SYT5: variants seen among roughly 807,000 people sequenced by gnomAD.
SYT5 encodes synaptotagmin-5.
SYT5 carries 29 observed loss-of-function variants against 36.0 expected under a neutral mutation model. That is an observed-to-expected ratio of 0.81 (90% confidence interval 0.60 to 1.10). The LOEUF (loss-of-function observed/expected upper bound fraction) is 1.10. Ranked by LOEUF, SYT5 falls within the 50% of genes least tolerant of loss-of-function variation. SYT5 has a pLI of 0.00. For missense variants in SYT5, 512 were observed against 516.0 expected, an observed-to-expected ratio of 0.99 and a Z score of 0.08; for synonymous variants, 231 against 227.6, an observed-to-expected ratio of 1.02 and a Z score of -0.14.
intron 8 of SYT5, chr19:55,174,027 C>G (rs759548275): frequency 3.5e-6 from 1 of 289,844 alleles, no homozygotes; most frequent in Non-Finnish European, 6.3e-6. Context: ...AGGCGCCGTC[C>G]CTAAAGAAGT....
In SYT5 at chr19:55,172,456, CA is replaced by C. The variant is rs752186636; in HGVS notation, c.*1027del. The C allele has an allele frequency of 0.016, 1,948 of 125,466 alleles. 17 individuals carry two copies. Among genetic ancestry groups the C allele is most frequent in the Middle Eastern group, 0.051 (13 of 256 alleles). 7.8% of individuals were successfully genotyped at this position (125,466 alleles called of 1,614,324 possible). ...AAACAAAAACAAAAAAACAAACAAA[CA>C]AAAAAAAAACAAGAGAAAAAGAAAG... is the stretch of plus-strand genomic sequence containing the variant. On this transcript the variant is annotated 3_prime_UTR_variant, in exon 9 of 9. Transcript: ENST00000354308.
chr19:55,172,086 T>TA lies in SYT5; in HGVS notation c.*1397dup, dbSNP rs34903773. The TA allele has an allele frequency of 0.068, 9,932 of 145,070 alleles. 752 individuals are homozygous for TA. Among genetic ancestry groups the TA allele is most frequent in the Admixed American group, 0.22 (3,230 of 14,580 alleles). 9.0% of individuals were successfully genotyped at this position (145,070 alleles called of 1,614,324 possible). A position where few individuals can be genotyped will look rare whatever the true frequency, so the allele number is the denominator to read the frequency against. ...CAACAGCGAAACTCCGTCTCAAAAT[T>TA]AAAAAAAAGAAGAAGAGAAGAAAAG... On this transcript the variant is annotated 3_prime_UTR_variant, in exon 9 of 9. Transcript: ENST00000354308.
At chr19:55,176,384 A>G in intron 3 of SYT5, 1 of 505,718 alleles carries the variant, frequency 2.0e-6, no homozygotes, top group East Asian at 3.5e-5. Context: ...TGCTTAGATT[A>G]AAACAAGTGC....
chr19:55,178,209 C>T lies in SYT5; in HGVS notation c.239G>A (p.Ser80Asn), dbSNP rs370240780. 3.1e-6 allele frequency: 5 copies of T among 1,607,260 alleles called. No homozygotes were observed. In the African/African-American group the frequency reaches 6.7e-5, roughly 21 times the overall value. Residue 80 changes from serine (S) to asparagine (N), a missense_variant, in exon 3 of 9, where the codon AGT (serine) becomes AAT (asparagine). Physicochemically the swap from Ser to Asn is conservative, Grantham distance 46 (BLOSUM62 1). Coordinates refer to ENST00000354308, the MANE Select transcript of SYT5 (RefSeq NM_003180.3). ...HLQEVKGLGQSYIDKVQPEVE... is the reference protein window; with the variant it reads ...HLQEVKGLGQNYIDKVQPEVE... ...GCTGGGCCACACCTTGTCTATGTAA[C>T]TCTGGCCCAGCCCCTTCACTTCCTG... is the stretch of plus-strand genomic sequence containing the variant.
In SYT5 at chr19:55,173,371, G is replaced by T; in HGVS notation, c.*113C>A. 1.2e-6 allele frequency: 1 copy of T among 833,712 alleles called. No homozygotes were observed. Among genetic ancestry groups the T allele is most frequent in the Non-Finnish European group, 1.7e-6 (1 of 604,908 alleles). The allele number at this position is 833,712 out of a possible 1,614,324, so 51.6% of individuals were successfully genotyped here. ...AGATGGTTGGGGTGGAAGGTGGGGGGAGGGTAACCGTCAGAGGAAGCTTAA... is the reference window on the plus strand; with the variant it reads ...AGATGGTTGGGGTGGAAGGTGGGGGTAGGGTAACCGTCAGAGGAAGCTTAA... On this transcript the variant is annotated 3_prime_UTR_variant, in exon 9 of 9. Coordinates refer to ENST00000354308, the MANE Select transcript of SYT5 (RefSeq NM_003180.3). This position sits in a 1 kb window ranked among gnomAD's most constrained non-coding sequence, Gnocchi z 5.4.
In SYT5 at chr19:55,179,360, G is replaced by C; in HGVS notation, c.-45-274C>G. ...CCTCCGCAGGGTCTGAACCGGAAGC[G>C]GGCGAAGGCAGACGTGGGAACCAGC... On this transcript the variant is annotated intron_variant, in intron 1 of 8. Coordinates refer to ENST00000354308, the MANE Select transcript of SYT5 (RefSeq NM_003180.3). The surrounding 1 kb of genome is among the most constrained non-coding windows in gnomAD (Gnocchi z 4.5). 1 of 870,060 alleles carries C rather than the reference G, an allele frequency of 1.1e-6. No homozygotes were observed. The highest frequency in any genetic ancestry group is 1.6e-6 in the Non-Finnish European group (1 of 632,116). 53.9% of individuals were successfully genotyped at this position (870,060 alleles called of 1,614,324 possible). A position where few individuals can be genotyped will look rare whatever the true frequency, so the allele number is the denominator to read the frequency against.
In SYT5 at chr19:55,172,668, G is replaced by C. The variant is rs2086017905; in HGVS notation, c.*816C>G. On this transcript the variant is annotated 3_prime_UTR_variant, in exon 9 of 9. Transcript: ENST00000354308. The stretch of plus-strand genomic sequence containing the variant: ...AAGTCGCTTGGGGGGTCAGGTCTGT[G>C]TTTGGATATTCTGGGGCCCCAGCAC... 1.3e-5 allele frequency: 2 copies of C among 152,038 alleles called. No homozygotes were observed. Among genetic ancestry groups the C allele is most frequent in the Non-Finnish European group, 2.9e-5 (2 of 68,066 alleles). 9.4% of individuals were successfully genotyped at this position (152,038 alleles called of 1,614,324 possible).
Position 55,176,112 on chromosome 19 carries a change from C to T in SYT5, c.265G>A (p.Val89Ile), listed in dbSNP as rs527419206. ...GATGGTGCTGGCTCCAGCTCCTCTA[C>T]TTCTGGCTGCACCTTAAGGAGCCAG... Reference protein sequence around the residue: ...QSYIDKVQPEVEELEPAPSGP... With the variant: ...QSYIDKVQPEIEELEPAPSGP... Residue 89 changes from valine (V) to isoleucine (I), a missense_variant, in exon 4 of 9, where the codon GTA (valine) becomes ATA (isoleucine). Coordinates refer to ENST00000354308, the MANE Select transcript of SYT5 (RefSeq NM_003180.3). 1.7e-5 allele frequency: 28 copies of T among 1,614,148 alleles called. No individual in the cohort carries two copies. The African/African-American group carries it at 3.1e-4, about 18-fold the overall frequency.
chr19:55,175,118 G>A lies in SYT5; in HGVS notation c.708+54C>T. 6.3e-7 allele frequency: 1 copy of A among 1,579,388 alleles called. No homozygotes were observed. Among genetic ancestry groups the A allele is most frequent in the Non-Finnish European group, 8.6e-7 (1 of 1,167,062 alleles). ...TATGATCTGATTGGCTCAGGATGTT[G>A]TGGGCGGGACTGGGCCTGGGGGCGT... is the stretch of plus-strand genomic sequence containing the variant. On this transcript the variant is annotated intron_variant, in intron 6 of 8. Transcript: ENST00000354308. The surrounding 1 kb of genome is among the most constrained non-coding windows in gnomAD (Gnocchi z 4.5).
intron 3 of SYT5, 123 bp downstream of exon 3, chr19:55,178,073 G>A (rs2086096596): frequency 8.9e-6 from 10 of 1,120,046 alleles, no homozygotes; most frequent in Non-Finnish European, 1.2e-5. Flanking sequence ...GACACACAGG[G>A]AGGATGAGCC....
intron 1 of SYT5, 67 bp downstream of exon 1, chr19:55,180,050 G>C (rs3810352): frequency 0.47 from 71,059 of 152,388 alleles, 19,680 homozygotes; most frequent in African/African-American, 0.77. Flanking sequence ...GCCCCCACTC[G>C]CACACCCCTT....
rs879800041 is a variant in SYT5 at position 55,173,941 on chromosome 19, T to C, written c.961-257A>G. On this transcript the variant is annotated intron_variant, in intron 8 of 8. Coordinates refer to ENST00000354308, the MANE Select transcript of SYT5 (RefSeq NM_003180.3). This position sits in a 1 kb window ranked among gnomAD's most constrained non-coding sequence, Gnocchi z 5.4. ...TCAGGACTCGGTTGCGGAGCGGGTGTGTTCGGCGCCTCCTGGGGGAGCAGC... is the reference window on the plus strand; with the variant it reads ...TCAGGACTCGGTTGCGGAGCGGGTGCGTTCGGCGCCTCCTGGGGGAGCAGC... The C allele has an allele frequency of 2.5e-5, 10 of 397,306 alleles. No individual in the cohort carries two copies. The highest frequency in any genetic ancestry group is 3.5e-5 in the Non-Finnish European group (8 of 227,228). The allele number at this position is 397,306 out of a possible 1,614,324, so 24.6% of individuals were successfully genotyped here.
In SYT5 at chr19:55,172,694, T is replaced by A. The variant is rs1208742217; in HGVS notation, c.*790A>T. The A allele has an allele frequency of 6.6e-6, 1 of 150,680 alleles. No individual in the cohort carries two copies. The highest frequency in any genetic ancestry group is 1.5e-5 in the Non-Finnish European group (1 of 67,784). 9.3% of individuals were successfully genotyped at this position (150,680 alleles called of 1,614,324 possible). ...TTTGGATATTCTGGGGCCCCAGCAC[T>A]CAACAGAAGACCTCAGGGAATATGG... On this transcript the variant is annotated 3_prime_UTR_variant, in exon 9 of 9. Transcript: ENST00000354308.
In SYT5 at chr19:55,179,386, A is replaced by G. The variant is rs1277373114; in HGVS notation, c.-45-300T>C. On this transcript the variant is annotated intron_variant, in intron 1 of 8. Transcript: ENST00000354308. The surrounding 1 kb of genome is among the most constrained non-coding windows in gnomAD (Gnocchi z 4.5). The stretch of plus-strand genomic sequence containing the variant: ...GGCGAAGGCAGACGTGGGAACCAGC[A>G]GACCGCGTTGCCCAGAGCAACAGCC... The G allele has an allele frequency of 1.6e-6, 1 of 619,184 alleles. No homozygotes were observed. The highest frequency in any genetic ancestry group is 2.5e-6 in the Non-Finnish European group (1 of 403,680). The allele number at this position is 619,184 out of a possible 1,614,324, so 38.4% of individuals were successfully genotyped here.
At chr19:55,176,867 C>G (rs1379598249) in intron 3 of SYT5, among the ~76,000 whole-genome samples, 1 of 152,076 alleles carries the variant, frequency 6.6e-6, no homozygotes, top group African/African-American at 2.4e-5. Context: ...GGGGAAATAC[C>G]AAGTTAGTGA....
At chr19:55,176,932 G>A (rs899377511) in intron 3 of SYT5, among the ~76,000 whole-genome samples, 1 of 152,196 alleles carries the variant, frequency 6.6e-6, no homozygotes, top group Admixed American at 6.5e-5. Flanking sequence ...CACACAACCA[G>A]GAAATGGTCC....
rs976635495 is a variant in SYT5, at chr19:55,179,325, C to A, written c.-45-239G>T. On this transcript the variant is annotated intron_variant, in intron 1 of 8. Transcript: ENST00000354308. This position sits in a 1 kb window ranked among gnomAD's most constrained non-coding sequence, Gnocchi z 4.5. Reference sequence around the variant, plus strand: ...ACAGGCATCCCGCTGACTTCTGCCTCGTCCTCGCCCCTCCGCAGGGTCTGA... The same window carrying A: ...ACAGGCATCCCGCTGACTTCTGCCTAGTCCTCGCCCCTCCGCAGGGTCTGA... 17 of 1,199,602 alleles carry A rather than the reference C, an allele frequency of 1.4e-5. No homozygotes were observed. In the East Asian group the frequency reaches 4.9e-4, roughly 35 times the overall value. The allele number at this position is 1,199,602 out of a possible 1,614,324, so 74.3% of individuals were successfully genotyped here. A position where few individuals can be genotyped will look rare whatever the true frequency, so the allele number is the denominator to read the frequency against.
chr19:55,179,980 G>C lies in SYT5; in HGVS notation c.-46+137C>G, dbSNP rs960403123. 6.5e-6 allele frequency: 1 copy of C among 152,806 alleles called. No homozygotes were observed. Among genetic ancestry groups the C allele is most frequent in the African/African-American group, 2.4e-5 (1 of 41,440 alleles). 9.5% of individuals were successfully genotyped at this position (152,806 alleles called of 1,614,324 possible). On this transcript the variant is annotated intron_variant, in intron 1 of 8. Coordinates refer to ENST00000354308, the MANE Select transcript of SYT5 (RefSeq NM_003180.3). The surrounding 1 kb of genome is among the most constrained non-coding windows in gnomAD (Gnocchi z 4.5). ...TCTCCATACCTGTCTCGCGTCCCCA[G>C]ATCCCTGTCTCTCCGCTTCAGGCTG...
chr19:55,175,033 G>A lies in SYT5; in HGVS notation c.709-34C>T. 1 of 1,606,406 alleles carries A rather than the reference G, an allele frequency of 6.2e-7. No homozygotes were observed. Among genetic ancestry groups the A allele is most frequent in the Non-Finnish European group, 8.5e-7 (1 of 1,177,256 alleles). Reference sequence around the variant, plus strand: ...AGAGGGGCCCATCACCAGAGCCCCGGCTCCACATCCATGCCTCCTCAGGGG... The same window carrying A: ...AGAGGGGCCCATCACCAGAGCCCCGACTCCACATCCATGCCTCCTCAGGGG... On this transcript the variant is annotated intron_variant, in intron 6 of 8. Transcript: ENST00000354308. The surrounding 1 kb of genome is among the most constrained non-coding windows in gnomAD (Gnocchi z 4.5).
Sources: allele counts gnomAD v4.1 joint callset (sites outside exome capture counted in the v4.1 genomes callset), GRCh38; gene constraint gnomAD v4.1.1; non-coding constraint Gnocchi (gnomAD v3.1); transcripts MANE v1.5; gene names NCBI Gene and HGNC (gene_info 2026-07-23, HGNC 2026-07-21).